The following PRDM5 variants were observed in gnomAD, a reference collection of about 807,000 sequenced individuals.
PRDM5 encodes PR domain zinc finger protein 5.
A neutral mutation model predicts 81.2 loss-of-function variants in PRDM5; 56 were observed. The observed-to-expected ratio is 0.69, with a 90% confidence interval of 0.56 to 0.86. PRDM5 has a LOEUF of 0.86. Ranked by LOEUF, PRDM5 falls within the 40% of genes least tolerant of loss-of-function variation. The pLI is 0.00. For missense variants in PRDM5, 697 were observed against 770.1 expected (o/e 0.91, Z 1.12); for synonymous variants, 267 against 256.4 (o/e 1.04, Z -0.39).
At chr4:120,835,723 G>A (rs10003374) in intron 3 of PRDM5, among the ~76,000 whole-genome samples, 15,212 of 151,904 alleles carry the variant, frequency 0.1, 1,758 homozygotes, top group African/African-American at 0.28. Context: ...CCAGTCTCTG[G>A]TACATCTTTA....
chr4:120,692,431 T>C lies in PRDM5; in HGVS notation c.*2680A>G, dbSNP rs532883261. On this transcript the variant is annotated 3_prime_UTR_variant, in exon 16 of 16. Coordinates refer to ENST00000264808, the MANE Select transcript of PRDM5 (RefSeq NM_018699.4). ...ACTATACTATGTAACCCCAAGAATT[T>C]ATCACCAAGAATACTTCCATGGTGC... 3 of 152,134 alleles carry C rather than the reference T, an allele frequency of 2.0e-5. No homozygotes were observed. Among genetic ancestry groups the C allele is most frequent in the African/African-American group, 7.2e-5 (3 of 41,536 alleles). The allele number at this position is 152,134 out of a possible 1,614,324, so 9.4% of individuals were successfully genotyped here. A position where few individuals can be genotyped will look rare whatever the true frequency, so the allele number is the denominator to read the frequency against.
chr4:120,874,510 T>C (rs903863297), intron 2 of PRDM5, among the ~76,000 whole-genome samples: 2 of 152,178 alleles, frequency 1.3e-5, no homozygotes, highest in Non-Finnish European at 1.5e-5. Flanking sequence ...TAACTGCATG[T>C]GATTGGTTTC....
At chr4:120,744,666 A>T (rs901503837) in intron 14 of PRDM5, among the ~76,000 whole-genome samples, 266 of 152,090 alleles carry the variant, frequency 1.7e-3, no homozygotes, top group Non-Finnish European at 2.9e-3. Context: ...TACGCAAATA[A>T]ACTAGAAAAT....
intron 14 of PRDM5, among the ~76,000 whole-genome samples, chr4:120,720,031 A>C (rs1738361239): frequency 6.6e-6 from 1 of 152,020 alleles, no homozygotes; most frequent in Non-Finnish European, 1.5e-5. Flanking sequence ...CCTCACTGTG[A>C]GCCACAAAAA....
At position 120,710,360 on chromosome 4, in the gene PRDM5, G is replaced by T; in HGVS notation, c.1677C>A (p.Gly559=). 1 of 1,613,974 alleles carries T rather than the reference G, an allele frequency of 6.2e-7. No homozygotes were observed. The highest frequency in any genetic ancestry group is 8.5e-7 in the Non-Finnish European group (1 of 1,179,998). The change falls in exon 15 of 16, where the codon GGC becomes GGA. Residue 559 remains glycine (G), a synonymous_variant. Coordinates refer to ENST00000264808, the MANE Select transcript of PRDM5 (RefSeq NM_018699.4). ...TGTGCGTCCTCTTGTGCTCATCCAG[G>T]CCTCGCTTCTGGCTGAAGGCCTTGC... ...ECSKAFSQKR[G]LDEHKRTHTG...
Position 120,749,742 on chromosome 4 carries a change from C to T in PRDM5, c.1623+4811G>A, listed in dbSNP as rs189653386. Among the ~76,000 whole-genome samples the T allele has an allele frequency of 1.7e-4, 26 of 152,168 alleles. 1 individual carries two copies. Among genetic ancestry groups the T allele is most frequent in the South Asian group, 8.3e-4 (4 of 4,830 alleles). On this transcript the variant is annotated intron_variant, in intron 14 of 15. Transcript: ENST00000264808. ...AGGTGTTCTGTTCCAGGCAATGACC[C>T]GTGGCCTCTGGAGAGAGACAGAACC... is the stretch of plus-strand genomic sequence containing the variant.
chr4:120,735,158 T>C (rs1740932363), intron 14 of PRDM5, among the ~76,000 whole-genome samples: 1 of 152,226 alleles, frequency 6.6e-6, no homozygotes, highest in Non-Finnish European at 1.5e-5. Flanking sequence ...GAAACTGTCA[T>C]GGAATTCCCT....
At chr4:120,811,259 C>G in intron 8 of PRDM5, 111 bp downstream of exon 8, 1 of 620,608 alleles carries the variant, frequency 1.6e-6, no homozygotes, top group Non-Finnish European at 2.7e-6. Flanking sequence ...ATTGATTTTT[C>G]AGATTATCTT....
chr4:120,722,547 G>A (rs76505160), intron 14 of PRDM5, among the ~76,000 whole-genome samples: 6,669 of 152,048 alleles, frequency 0.044, 205 homozygotes, highest in East Asian at 0.086. Context: ...GTTATCACCC[G>A]AAGAGCTTCA....
intron 8 of PRDM5, among the ~76,000 whole-genome samples, chr4:120,809,607 T>C (rs1455938242): frequency 1.3e-5 from 2 of 152,166 alleles, no homozygotes; most frequent in Admixed American, 6.5e-5. Flanking sequence ...ATAATATACC[T>C]TATCATTATA....
intron 14 of PRDM5, among the ~76,000 whole-genome samples, chr4:120,740,324 A>T (rs1217388087): frequency 6.6e-6 from 1 of 152,190 alleles, no homozygotes; most frequent in Non-Finnish European, 1.5e-5. Flanking sequence ...ATTCATAATA[A>T]ACTATTCTTA....
chr4:120,915,629 G>T (rs185916758), intron 1 of PRDM5, among the ~76,000 whole-genome samples: 50 of 152,250 alleles, frequency 3.3e-4, no homozygotes, highest in South Asian at 2.1e-3. Context: ...TCATCCCCAG[G>T]ATGACCCCAG....
intron 3 of PRDM5, among the ~76,000 whole-genome samples, chr4:120,851,713 G>A (rs1410836834): frequency 1.3e-5 from 2 of 152,110 alleles, no homozygotes; most frequent in African/African-American, 4.8e-5. Flanking sequence ...TAGTCTAGAT[G>A]ACTGTTTGCT....
chr4:120,827,917 A>G (rs1161008407), intron 3 of PRDM5, among the ~76,000 whole-genome samples: 1 of 152,102 alleles, frequency 6.6e-6, no homozygotes, highest in African/African-American at 2.4e-5. Flanking sequence ...TAGACTTATT[A>G]ATGCTTTGGA....
At chr4:120,747,910 G>A (rs1743380371) in intron 14 of PRDM5, among the ~76,000 whole-genome samples, 1 of 152,132 alleles carries the variant, frequency 6.6e-6, no homozygotes, top group South Asian at 2.1e-4. Flanking sequence ...CTTTCTAATT[G>A]GCCCAGGTGC....
At chr4:120,708,643 C>T (rs899532444) in intron 15 of PRDM5, among the ~76,000 whole-genome samples, 1 of 152,080 alleles carries the variant, frequency 6.6e-6, no homozygotes, top group African/African-American at 2.4e-5. Flanking sequence ...ATGTGAATTT[C>T]ACCTCAATTT....
chr4:120,861,469 A>T (rs1403895217), intron 2 of PRDM5, among the ~76,000 whole-genome samples: 1 of 152,214 alleles, frequency 6.6e-6, no homozygotes, highest in Non-Finnish European at 1.5e-5. Flanking sequence ...AATATCCCAG[A>T]TCCAGAGATC....
chr4:120,731,151 G>T (rs777966942), intron 14 of PRDM5, among the ~76,000 whole-genome samples: 1 of 152,116 alleles, frequency 6.6e-6, no homozygotes, highest in Non-Finnish European at 1.5e-5. Flanking sequence ...ATTTCCCACC[G>T]TGTGCTAGGC....
At chr4:120,772,679 T>A (rs992826541) in intron 13 of PRDM5, among the ~76,000 whole-genome samples, 1 of 152,210 alleles carries the variant, frequency 6.6e-6, no homozygotes, top group African/African-American at 2.4e-5. Context: ...AACACATATT[T>A]CACATGAATT....
Sources: gnomAD v4.1 joint callset for allele counts (sites outside exome capture counted in the v4.1 genomes callset) on GRCh38, gnomAD v4.1.1 for gene constraint, MANE v1.5 for transcripts, NCBI Gene and HGNC (gene_info 2026-07-23, HGNC 2026-07-21) for gene names.